Variants in PPP2R5A observed in about 807,000 individuals in gnomAD.
PPP2R5A encodes the protein protein phosphatase 2 regulatory subunit B'alpha.
PPP2R5A carries 25 observed loss-of-function variants against 64.2 expected under a neutral mutation model. That is an observed-to-expected ratio of 0.39 (90% confidence interval 0.28 to 0.54). PPP2R5A has a LOEUF of 0.54. PPP2R5A is among the 20% of genes least tolerant of loss of function. The pLI, the probability that PPP2R5A is intolerant of heterozygous loss-of-function variation, is 0.67. For missense variants in PPP2R5A, 425 were observed against 576.3 expected (o/e 0.74, Z 2.69); for synonymous variants, 198 against 201.2 (o/e 0.98, Z 0.13).
intron 1 of PPP2R5A, chr1:212,309,572 A>G (rs1465186834): frequency 8.6e-6 from 6 of 701,354 alleles, no homozygotes; most frequent in African/African-American, 3.6e-5. Flanking sequence ...CTTTGAACAT[A>G]TATAATGACT....
Position 212,349,259 on chromosome 1 carries a change from T to G in PPP2R5A, c.927+17T>G. ...ACAGAGCCAGTAAGTGTTCTATTTA[T>G]TTTCATGTTTTTGGTCTGCATTAAT... On this transcript the variant is annotated intron_variant, in intron 8 of 12. Transcript: ENST00000261461. The G allele has an allele frequency of 6.5e-7, 1 of 1,543,978 alleles. No individual in the cohort carries two copies. Among genetic ancestry groups the G allele is most frequent in the Non-Finnish European group, 8.9e-7 (1 of 1,129,226 alleles).
chr1:212,321,238 G>T, intron 1 of PPP2R5A, among the ~76,000 whole-genome samples: 1 of 144,680 alleles, frequency 6.9e-6, no homozygotes, highest in African/African-American at 2.6e-5. Context: ...GCCGGGCAGA[G>T]GGGCTCCTCA....
chr1:212,335,421 G>A (rs1282144893), intron 3 of PPP2R5A, among the ~76,000 whole-genome samples: 4 of 151,212 alleles, frequency 2.6e-5, no homozygotes, highest in Admixed American at 6.6e-5. Flanking sequence ...GTTGTGGTGA[G>A]CCGAGATTGC....
Position 212,360,859 on chromosome 1 carries a change from T to C in PPP2R5A, c.*89T>C, listed in dbSNP as rs777328504. The C allele has an allele frequency of 3.9e-6, 5 of 1,288,236 alleles. No homozygotes were observed. The highest frequency in any genetic ancestry group is 4.1e-6 in the Non-Finnish European group (4 of 984,598). 79.8% of individuals were successfully genotyped at this position (1,288,236 alleles called of 1,614,324 possible). A position where few individuals can be genotyped will look rare whatever the true frequency, so the allele number is the denominator to read the frequency against. Reference sequence around the variant, plus strand: ...AATTACAAAACAAACCTCATCAGTATAATATAATTAAAAGGCCAATTTTTT... The same window carrying C: ...AATTACAAAACAAACCTCATCAGTACAATATAATTAAAAGGCCAATTTTTT... On this transcript the variant is annotated 3_prime_UTR_variant, in exon 13 of 13. Transcript: ENST00000261461.
intron 1 of PPP2R5A, among the ~76,000 whole-genome samples, chr1:212,304,721 G>A (rs1658864015): frequency 6.7e-6 from 1 of 149,352 alleles, no homozygotes; most frequent in African/African-American, 2.4e-5. Context: ...TGCTACCAAG[G>A]CCGGCCCCAG....
At chr1:212,288,273 C>T (rs1018343031) in intron 1 of PPP2R5A, among the ~76,000 whole-genome samples, 11 of 152,180 alleles carry the variant, frequency 7.2e-5, no homozygotes, top group Non-Finnish European at 1.6e-4. Flanking sequence ...ACCTCAGCCT[C>T]CCAAAGTGGT....
rs1057069165 is a variant in PPP2R5A at position 212,307,260 on chromosome 1, GT to G, written c.181+20981del. 1.6e-3 allele frequency among the ~76,000 whole-genome samples: 230 copies of G among 140,970 alleles called. 1 individual carries two copies. Among genetic ancestry groups the G allele is most frequent in the East Asian group, 4.3e-3 (21 of 4,872 alleles). The allele number at this position is 140,970 out of a possible 152,430, so 92.5% of individuals were successfully genotyped here. On this transcript the variant is annotated intron_variant, in intron 1 of 12. Coordinates refer to ENST00000261461, the MANE Select transcript of PPP2R5A (RefSeq NM_006243.4). Reference sequence around the variant, plus strand: ...TATTTTTCACTACATATTTTTGAGAGTTTTTTTTTTTTAGTGGCTGCCCTTG... The same window carrying G: ...TATTTTTCACTACATATTTTTGAGAGTTTTTTTTTTTAGTGGCTGCCCTTG...
chr1:212,360,687 GAGCTAA>G lies in PPP2R5A; in HGVS notation c.1387_1392del (p.Leu463_Lys464del), dbSNP rs748163710. Reference sequence around the variant, plus strand: ...TGAAGAATTATGGAAAAAATTAGAGGAGCTAAAGCTAAAGAAAGCTCTAGAAAAACA... The same window carrying G: ...TGAAGAATTATGGAAAAAATTAGAGGAGCTAAAGAAAGCTCTAGAAAAACA... On this transcript the variant is annotated inframe_deletion, in exon 13 of 13. Transcript: ENST00000261461. The G allele has an allele frequency of 1.8e-5, 28 of 1,594,982 alleles. No homozygotes were observed. The highest frequency in any genetic ancestry group is 2.2e-5 in the Non-Finnish European group (26 of 1,169,678).
chr1:212,300,412 T>C (rs1338487209), intron 1 of PPP2R5A, among the ~76,000 whole-genome samples: 1 of 151,154 alleles, frequency 6.6e-6, no homozygotes, highest in African/African-American at 2.5e-5. Context: ...GAATATGTAA[T>C]GGGAAGTGTC....
intron 1 of PPP2R5A, among the ~76,000 whole-genome samples, chr1:212,311,196 G>A (rs933117699): frequency 1.3e-5 from 2 of 152,188 alleles, no homozygotes; most frequent in Non-Finnish European, 2.9e-5. Flanking sequence ...TAGCTGCCAG[G>A]CATGGTGGCT....
chr1:212,297,084 T>C (rs1571574239), intron 1 of PPP2R5A, among the ~76,000 whole-genome samples: 1 of 149,522 alleles, frequency 6.7e-6, no homozygotes, highest in Non-Finnish European at 1.5e-5. Context: ...CTTTTCTTTT[T>C]CTTTGCTTCT....
At chr1:212,342,871 TTAGC>T in intron 4 of PPP2R5A, among the ~76,000 whole-genome samples, 1 of 152,148 alleles carries the variant, frequency 6.6e-6, no homozygotes, top group Non-Finnish European at 1.5e-5. Flanking sequence ...AAACTGCTTA[TTAGC>T]TGTTATTTTT....
chr1:212,317,217 T>C (rs1167857201), intron 1 of PPP2R5A, among the ~76,000 whole-genome samples: 2 of 152,196 alleles, frequency 1.3e-5, no homozygotes, highest in Non-Finnish European at 1.5e-5. Context: ...CTGTTCTCTG[T>C]TATTGTGGGT....
rs140623002 is a variant in PPP2R5A at position 212,358,655 on chromosome 1, A to G, written c.1227-31A>G. 1.7e-3 allele frequency: 2,572 copies of G among 1,513,338 alleles called. 7 individuals are homozygous for G. Among genetic ancestry groups the G allele is most frequent in the Middle Eastern group, 4.4e-3 (26 of 5,854 alleles). The allele number at this position is 1,513,338 out of a possible 1,614,324, so 93.7% of individuals were successfully genotyped here. On this transcript the variant is annotated intron_variant, in intron 11 of 12. Transcript: ENST00000261461. ...ACATTTCCTCTCTGTTAGCAGTATC[A>G]TAACTCAGGACTGGCTCATTTTCAT...
At chr1:212,289,473 T>A (rs569975620) in intron 1 of PPP2R5A, among the ~76,000 whole-genome samples, 1 of 152,358 alleles carries the variant, frequency 6.6e-6, no homozygotes, top group East Asian at 1.9e-4. Context: ...ATCTGGATGA[T>A]GTTGCAGCTG....
intron 4 of PPP2R5A, among the ~76,000 whole-genome samples, chr1:212,342,488 C>A (rs1044357342): frequency 6.6e-6 from 1 of 152,134 alleles, no homozygotes; most frequent in Non-Finnish European, 1.5e-5. Flanking sequence ...TGAAGTCAAT[C>A]AAATTATCCT....
At position 212,350,331 on chromosome 1, in the gene PPP2R5A, A is replaced by G. The variant is rs1659853742; in HGVS notation, c.927+1089A>G. 3.3e-5 allele frequency among the ~76,000 whole-genome samples: 5 copies of G among 152,218 alleles called. No homozygotes were observed. In the South Asian group the frequency reaches 1.0e-3, roughly 32 times the overall value. On this transcript the variant is annotated intron_variant, in intron 8 of 12. Coordinates refer to ENST00000261461, the MANE Select transcript of PPP2R5A (RefSeq NM_006243.4). ...ACAATTCAGGAGAATTAGAAACCATATATTTGTACATGAAACCACATAAAC... is the reference window on the plus strand; with the variant it reads ...ACAATTCAGGAGAATTAGAAACCATGTATTTGTACATGAAACCACATAAAC...
At chr1:212,329,388 A>AT (rs1571597477) in intron 2 of PPP2R5A, 57 bp downstream of exon 2, 1 of 1,329,150 alleles carries the variant, frequency 7.5e-7, no homozygotes, top group African/African-American at 1.5e-5. Flanking sequence ...CTGAGGTATA[A>AT]TAATGAATTG....
chr1:212,291,082 G>T (rs567488180), intron 1 of PPP2R5A, among the ~76,000 whole-genome samples: 2 of 152,072 alleles, frequency 1.3e-5, no homozygotes, highest in Admixed American at 1.3e-4. Context: ...CCCAATCCTG[G>T]CTATACTTGG....
Sources: allele counts gnomAD v4.1 joint callset (sites outside exome capture counted in the v4.1 genomes callset), GRCh38; gene constraint gnomAD v4.1.1; transcripts MANE v1.5; gene names NCBI Gene and HGNC (gene_info 2026-07-23, HGNC 2026-07-21).